Variants in ZSWIM3 observed in about 807,000 individuals in gnomAD.
The protein encoded by ZSWIM3 is zinc finger SWIM domain-containing protein 3.
Under a neutral mutation model 47.5 loss-of-function variants are expected in ZSWIM3, and 27 were observed. The observed-to-expected ratio is 0.57, with a 90% CI of 0.42 to 0.78. The LOEUF (loss-of-function observed/expected upper bound fraction) is 0.78. Among genes scored for constraint, ZSWIM3 ranks in the 30% least tolerant of loss-of-function variants. ZSWIM3 has a pLI of 0.00. For missense variants in ZSWIM3, 689 were observed against 861.3 expected (o/e 0.80, Z 2.50); for synonymous variants, 333 against 333.9 (o/e 1.00, Z 0.03).
intron 1 of ZSWIM3, among the ~76,000 whole-genome samples, chr20:45,873,809 T>C (rs1986028890): frequency 6.6e-6 from 1 of 152,210 alleles, no homozygotes; most frequent in African/African-American, 2.4e-5. Context: ...ACCCAGAGAA[T>C]CTGCTAAGCC....
intron 1 of ZSWIM3, among the ~76,000 whole-genome samples, chr20:45,870,032 A>G (rs1279363536): frequency 1.4e-4 from 21 of 147,918 alleles, no homozygotes; most frequent in Admixed American, 6.1e-4. Context: ...CAACAGGGCA[A>G]AACTCCGTCT....
chr20:45,869,659 C>CTGCATTT (rs1437218583), intron 1 of ZSWIM3, among the ~76,000 whole-genome samples: 1 of 152,144 alleles, frequency 6.6e-6, no homozygotes, highest in Non-Finnish European at 1.5e-5. Context: ...GGCCTGGACT[C>CTGCATTT]TGCATTTTTC....
chr20:45,858,012 G>A (rs1161822730), intron 1 of ZSWIM3, 32 bp downstream of exon 1: 1 of 1,521,924 alleles, frequency 6.6e-7, no homozygotes, highest in Non-Finnish European at 9.0e-7. Context: ...CGGGCCAAGA[G>A]GGTGGGGAGG....
At chr20:45,867,340 T>C (rs962894756) in intron 1 of ZSWIM3, among the ~76,000 whole-genome samples, 2 of 152,124 alleles carry the variant, frequency 1.3e-5, no homozygotes, top group African/African-American at 4.8e-5. Context: ...AAAAGAACAG[T>C]TGGAGATTAG....
At chr20:45,871,543 T>C (rs574562896) in intron 1 of ZSWIM3, among the ~76,000 whole-genome samples, 1 of 152,328 alleles carries the variant, frequency 6.6e-6, no homozygotes, top group African/African-American at 2.4e-5. Flanking sequence ...GACTATAACT[T>C]TGGACAAGTC....
intron 1 of ZSWIM3, among the ~76,000 whole-genome samples, chr20:45,859,128 C>T (rs904496405): frequency 2.0e-5 from 3 of 152,028 alleles, no homozygotes; most frequent in Admixed American, 6.6e-5. Flanking sequence ...CAGAAATCCA[C>T]ACTTTATGTG....
intron 1 of ZSWIM3, among the ~76,000 whole-genome samples, chr20:45,865,188 G>C (rs1438310773): frequency 6.6e-6 from 1 of 151,656 alleles, no homozygotes; most frequent in Non-Finnish European, 1.5e-5. Flanking sequence ...GTGTGGTGGC[G>C]CACACCTGCA....
intron 1 of ZSWIM3, among the ~76,000 whole-genome samples, 178 bp from the exon 2 acceptor site, chr20:45,876,536 T>G (rs6032570): frequency 0.65 from 98,969 of 151,666 alleles, 32,337 homozygotes; most frequent in Admixed American, 0.72. Flanking sequence ...CCAGGGTCTC[T>G]CCATGTTGCC....
At chr20:45,866,120 A>G (rs1381974679) in intron 1 of ZSWIM3, among the ~76,000 whole-genome samples, 2 of 151,722 alleles carry the variant, frequency 1.3e-5, no homozygotes, top group Non-Finnish European at 2.9e-5. Context: ...CCTGGCCAAC[A>G]TGGTGAAACC....
Position 45,876,833 on chromosome 20 carries a change from T to C in ZSWIM3, c.275T>C (p.Phe92Ser). Reference sequence around the variant, plus strand: ...TACAACGAGAGACTAGATAGACTATTTATCAGTGAACTAAACACACAGCAC... The same window carrying C: ...TACAACGAGAGACTAGATAGACTATCTATCAGTGAACTAAACACACAGCAC... The part of the protein sequence containing the change: ...LRYNERLDRL[F>S]ISELNTQHIH... Residue 92 changes from phenylalanine to serine, a missense_variant, in exon 2 of 2, where the codon TTT (phenylalanine) becomes TCT (serine). Transcript: ENST00000255152. The C allele has an allele frequency of 6.2e-7, 1 of 1,614,052 alleles. No homozygotes were observed. Among genetic ancestry groups the C allele is most frequent in the Non-Finnish European group, 8.5e-7 (1 of 1,179,998 alleles).
intron 1 of ZSWIM3, among the ~76,000 whole-genome samples, chr20:45,875,570 C>T (rs1402575144): frequency 1.3e-5 from 2 of 151,832 alleles, no homozygotes; most frequent in African/African-American, 2.4e-5. Context: ...AGCGTGATCT[C>T]GGCTCCCTGC....
intron 1 of ZSWIM3, among the ~76,000 whole-genome samples, chr20:45,860,926 T>C (rs197675): frequency 8.5e-4 from 129 of 152,230 alleles, no homozygotes; most frequent in African/African-American, 3.0e-3. Flanking sequence ...GTAAAAATGG[T>C]GTGAGTCAGT....
chr20:45,862,150 G>GTT (rs554675361), intron 1 of ZSWIM3, among the ~76,000 whole-genome samples: 4 of 142,058 alleles, frequency 2.8e-5, no homozygotes, highest in Admixed American at 7.1e-5. Flanking sequence ...GTTTTTTTTG[G>GTT]TTTTTTTTTT....
intron 1 of ZSWIM3, among the ~76,000 whole-genome samples, chr20:45,860,729 T>C (rs1371112433): frequency 6.6e-6 from 1 of 152,112 alleles, no homozygotes; most frequent in Non-Finnish European, 1.5e-5. Flanking sequence ...TGTGATTATA[T>C]TGGGCCCACC....
chr20:45,877,798 G>A lies in ZSWIM3; in HGVS notation c.1240G>A (p.Asp414Asn), dbSNP rs760014931. The A allele has an allele frequency of 6.2e-7, 1 of 1,614,186 alleles. No homozygotes were observed. The highest frequency in any genetic ancestry group is 1.7e-5 in the Admixed American group (1 of 60,028). The change falls in exon 2 of 2, where the codon GAC becomes AAC. Residue 414 changes from aspartate to asparagine, a missense_variant. By Grantham distance (23) the Asp-to-Asn change is conservative. Transcript: ENST00000255152. ...CTTTCGGGAACAGCAGTCGCTGCTGGACTGCATCCTCTGCTTTGTGGATTA... is the reference window on the plus strand; with the variant it reads ...CTTTCGGGAACAGCAGTCGCTGCTGAACTGCATCCTCTGCTTTGTGGATTA... ...SLFREQQSLL[D>N]CILCFVDYID...
intron 1 of ZSWIM3, among the ~76,000 whole-genome samples, chr20:45,875,827 C>A (rs1406016477): frequency 6.6e-6 from 1 of 151,934 alleles, no homozygotes; most frequent in African/African-American, 2.4e-5. Context: ...ATATATGAAT[C>A]CTTTTCTTTT....
chr20:45,859,976 A>G (rs1985665441), intron 1 of ZSWIM3, among the ~76,000 whole-genome samples: 1 of 152,060 alleles, frequency 6.6e-6, no homozygotes, highest in African/African-American at 2.4e-5. Context: ...GAAGAGAAAA[A>G]TCACTGCGAG....
intron 1 of ZSWIM3, among the ~76,000 whole-genome samples, chr20:45,863,868 C>T (rs780623761): frequency 6.6e-6 from 1 of 152,072 alleles, no homozygotes; most frequent in Non-Finnish European, 1.5e-5. Flanking sequence ...CATGGTGGTA[C>T]GTGCCTGTAA....
At chr20:45,866,271 C>T (rs1248725174) in intron 1 of ZSWIM3, among the ~76,000 whole-genome samples, 1 of 152,108 alleles carries the variant, frequency 6.6e-6, no homozygotes, top group Non-Finnish European at 1.5e-5. Context: ...GCACTCCAGT[C>T]TTGGTGACAG....
Sources: gnomAD v4.1 joint callset for allele counts (sites outside exome capture counted in the v4.1 genomes callset) on GRCh38, gnomAD v4.1.1 for gene constraint, MANE v1.5 for transcripts, NCBI Gene and HGNC (gene_info 2026-07-23, HGNC 2026-07-21) for gene names.